The following CEP131 variants were observed in gnomAD, a reference collection of about 807,000 sequenced individuals.
CEP131 encodes the protein centrosomal protein 131.
CEP131 carries 99 observed loss-of-function variants against 136.8 expected under a neutral mutation model. The observed-to-expected ratio is 0.72, with a 90% confidence interval of 0.62 to 0.86. The LOEUF (loss-of-function observed/expected upper bound fraction) is 0.86, where lower values mean the gene tolerates loss of function less well. CEP131 is among the 40% of genes least tolerant of loss of function. CEP131 has a pLI of 0.00. For missense variants in CEP131, 1,459 were observed against 1,463.0 expected (o/e 1.00, Z 0.04); for synonymous variants, 646 against 612.7 (o/e 1.05, Z -0.80).
chr17:81,195,747 A>C, intron 16 of CEP131, 88 bp downstream of exon 16: 3 of 1,182,188 alleles, frequency 2.5e-6, no homozygotes, highest in Non-Finnish European at 3.6e-6. Context: ...GAGGACTCCA[A>C]GTCCGGTCCT....
intron 21 of CEP131, 27 bp from the exon 22 acceptor site, chr17:81,191,362 T>C: frequency 6.2e-7 from 1 of 1,611,682 alleles, no homozygotes; most frequent in Non-Finnish European, 8.5e-7. Context: ...TGCCTGGGGG[T>C]TGCCACCCGG....
At chr17:81,217,432 C>A (rs1305707857) in intron 2 of CEP131, among the ~76,000 whole-genome samples, 1 of 151,984 alleles carries the variant, frequency 6.6e-6, no homozygotes, top group East Asian at 1.9e-4. Flanking sequence ...GGAAGAGAAT[C>A]ACGTGCCGCC....
intron 11 of CEP131, among the ~76,000 whole-genome samples, chr17:81,198,548 C>G (rs2061819355): frequency 6.6e-6 from 1 of 152,210 alleles, no homozygotes; most frequent in African/African-American, 2.4e-5. Context: ...GTGCAGCCAC[C>G]TGGCCCCACC....
Position 81,207,219 on chromosome 17 carries a change from A to G in CEP131, c.293T>C (p.Phe98Ser). ...GSPRPTEPTD[F>S]LMLFEGSPSG... ...GGGGCTGCCCTCGAAGAGCATCAGG[A>G]AGTCTGTGGGCTCCGTTGGCCTGCA... Residue 98 changes from phenylalanine to serine, a missense_variant, in exon 4 of 26, where the codon TTC becomes TCC. Physicochemically the swap from Phe to Ser is radical, Grantham distance 155. Coordinates refer to ENST00000450824, the MANE Select transcript of CEP131 (RefSeq NM_014984.4). The G allele has an allele frequency of 6.2e-7, 1 of 1,613,484 alleles. No homozygotes were observed.
Position 81,215,594 on chromosome 17 carries a change from T to A in CEP131, c.177+4286A>T, listed in dbSNP as rs942242829. ...GTCCAGCTATTTTTTCTATTTTTAG[T>A]AGAGACGAGGTTTCACCGTGTTGGC... On this transcript the variant is annotated intron_variant, in intron 2 of 25. Coordinates refer to ENST00000450824, the MANE Select transcript of CEP131 (RefSeq NM_014984.4). The surrounding 1 kb of genome is among the most constrained non-coding windows in gnomAD (Gnocchi z 4.1). Among the ~76,000 whole-genome samples, 1 of 135,586 alleles carries A rather than the reference T, an allele frequency of 7.4e-6. No homozygotes were observed. The highest frequency in any genetic ancestry group is 1.6e-5 in the Non-Finnish European group (1 of 62,986). 88.9% of individuals were successfully genotyped at this position (135,586 alleles called of 152,430 possible).
intron 8 of CEP131, 92 bp from the exon 9 acceptor site, chr17:81,199,927 C>A (rs1313434962): frequency 1.5e-6 from 2 of 1,309,046 alleles, no homozygotes; most frequent in East Asian, 2.3e-5. Context: ...CCTGGAGTCC[C>A]CTAGAGTTCG....
intron 16 of CEP131, 109 bp downstream of exon 16, chr17:81,195,726 G>A (rs1000269814): frequency 6.4e-5 from 62 of 969,792 alleles, no homozygotes; most frequent in Non-Finnish European, 8.5e-5. Context: ...CTGACACACC[G>A]AGACAGGAAT....
Position 81,194,018 on chromosome 17 carries a change from C to T in CEP131, c.2229G>A (p.Gln743=). ...GCTCCTCGGCCTGGCGCAGGCAGCG[C>T]TGCGAGGCCCGCTCATCCGACTGCA... ...ELLQSDERAS[Q]RCLRQAEELR... is the part of the protein sequence containing the mutation. Residue 743 remains glutamine, a synonymous_variant, in exon 18 of 26, where the codon CAG becomes CAA. Transcript: ENST00000450824. The T allele has an allele frequency of 6.4e-7, 1 of 1,569,598 alleles. No homozygotes were observed. The highest frequency in any genetic ancestry group is 8.6e-7 in the Non-Finnish European group (1 of 1,158,056).
chr17:81,206,311 G>A (rs976215627), intron 5 of CEP131, among the ~76,000 whole-genome samples: 8 of 152,084 alleles, frequency 5.3e-5, no homozygotes, highest in Admixed American at 1.3e-4. Flanking sequence ...TCTAAATGCC[G>A]GAGGAAAAAT....
At position 81,215,809 on chromosome 17, in the gene CEP131, G is replaced by A. The variant is rs1382136483; in HGVS notation, c.177+4071C>T. ...ATTTACATGTATGCAAAATGGCAAA[G>A]ACACAGGGTATTTGCTGTGCCACTC... On this transcript the variant is annotated intron_variant, in intron 2 of 25. Transcript: ENST00000450824. This position sits in a 1 kb window ranked among gnomAD's most constrained non-coding sequence, Gnocchi z 4.1. Among the ~76,000 whole-genome samples, 2 of 152,202 alleles carry A rather than the reference G, an allele frequency of 1.3e-5. No individual in the cohort carries two copies. The highest frequency in any genetic ancestry group is 1.3e-4 in the Admixed American group (2 of 15,280).
intron 2 of CEP131, among the ~76,000 whole-genome samples, chr17:81,218,605 G>C (rs1438305060): frequency 6.6e-6 from 1 of 152,246 alleles, no homozygotes; most frequent in African/African-American, 2.4e-5. Flanking sequence ...CAACCTGCCG[G>C]CCACAATGAC....
At chr17:81,197,489 G>A in intron 13 of CEP131, 1 of 676,350 alleles carries the variant, frequency 1.5e-6, no homozygotes, top group Non-Finnish European at 2.4e-6. Context: ...TGCGGGCCCT[G>A]CCACCTCCAC....
At chr17:81,213,300 C>T (rs1005405017) in intron 2 of CEP131, among the ~76,000 whole-genome samples, 2 of 152,210 alleles carry the variant, frequency 1.3e-5, no homozygotes, top group African/African-American at 4.8e-5. Context: ...TGGCTCATGC[C>T]TGTAATCCCA....
intron 2 of CEP131, among the ~76,000 whole-genome samples, chr17:81,216,047 CCT>C (rs1240068124): frequency 6.6e-6 from 1 of 151,924 alleles, no homozygotes; most frequent in African/African-American, 2.4e-5. Context: ...TAGTGAGACC[CCT>C]GTCCCTACAA....
At chr17:81,193,495 G>A (rs897743158) in intron 18 of CEP131, among the ~76,000 whole-genome samples, 2 of 152,182 alleles carry the variant, frequency 1.3e-5, no homozygotes, top group African/African-American at 2.4e-5. Context: ...CAGGGCTCAG[G>A]ACGCAAGAGC....
chr17:81,206,812 G>C lies in CEP131; in HGVS notation c.447C>G (p.Asp149Glu). The C allele has an allele frequency of 1.2e-6, 2 of 1,614,136 alleles. No individual in the cohort carries two copies. The highest frequency in any genetic ancestry group is 1.7e-6 in the Non-Finnish European group (2 of 1,180,034). ...PSNARSSSAL[D>E]SPAGPRRKEC... The stretch of plus-strand genomic sequence containing the variant: ...CTTTCCTCCGCGGGCCCGCTGGTGA[G>C]TCAAGGGCACTGGAACTCCGGGCAT... The change falls in exon 5 of 26, where the codon GAC (aspartate) becomes GAG (glutamate). Residue 149 changes from aspartate (D) to glutamate (E), a missense_variant. Asp to Glu is a conservative substitution (Grantham distance 45, BLOSUM62 2). Coordinates refer to ENST00000450824, the MANE Select transcript of CEP131 (RefSeq NM_014984.4).
rs1351473647 is a variant in CEP131 at position 81,192,795 on chromosome 17, C to G, written c.2370G>C (p.Arg790=). The change falls in exon 19 of 26, where the codon CGG becomes CGC. Residue 790 remains arginine (R), a synonymous_variant. Coordinates refer to ENST00000450824, the MANE Select transcript of CEP131 (RefSeq NM_014984.4). The part of the protein sequence containing the change: ...EQEQWALQQQ[R]QRLYSEVAEE... ...CAGCCACCTCACTGTACAGCCGCTG[C>G]CGTTGCTGCTGCAGCGCCCACTGCT... is the stretch of plus-strand genomic sequence containing the variant. The G allele has an allele frequency of 6.3e-7, 1 of 1,598,376 alleles. No individual in the cohort carries two copies. Among genetic ancestry groups the G allele is most frequent in the Non-Finnish European group, 8.5e-7 (1 of 1,179,066 alleles).
In CEP131 at chr17:81,189,729, TCTGC is replaced by T; in HGVS notation, c.*36_*39del. 1 of 1,554,994 alleles carries T rather than the reference TCTGC, an allele frequency of 6.4e-7. No individual in the cohort carries two copies. The highest frequency in any genetic ancestry group is 1.2e-5 in the South Asian group (1 of 82,546). Reference sequence around the variant, plus strand: ...CTGGGCCCACGTCCAGCCTCTGTCCTCTGCCTTCCGTTCTTCGACAGTGTTCCCG... The same window carrying T: ...CTGGGCCCACGTCCAGCCTCTGTCCTCTTCCGTTCTTCGACAGTGTTCCCG... On this transcript the variant is annotated 3_prime_UTR_variant, in exon 26 of 26. Coordinates refer to ENST00000450824, the MANE Select transcript of CEP131 (RefSeq NM_014984.4).
Position 81,198,293 on chromosome 17 carries a change from A to C in CEP131, c.1292T>G (p.Val431Gly). Residue 431 changes from valine to glycine, a missense_variant, in exon 12 of 26, where the codon GTT becomes GGT. Coordinates refer to ENST00000450824, the MANE Select transcript of CEP131 (RefSeq NM_014984.4). ...QQPPEDRTQDVLAQDAAGDNL... is the reference protein window; with the variant it reads ...QQPPEDRTQDGLAQDAAGDNL... ...GTCCCCAGCTGCATCCTGGGCAAGA[A>C]CGTCCTGCAAAAGAGCAGGGAGACA... 6.3e-7 allele frequency: 1 copy of C among 1,596,208 alleles called. No individual in the cohort carries two copies. The highest frequency in any genetic ancestry group is 2.3e-5 in the East Asian group (1 of 43,994).
Sources: gnomAD v4.1 joint callset for allele counts (sites outside exome capture counted in the v4.1 genomes callset) on GRCh38, gnomAD v4.1.1 for gene constraint, Gnocchi (gnomAD v3.1) non-coding constraint, MANE v1.5 for transcripts, NCBI Gene and HGNC (gene_info 2026-07-23, HGNC 2026-07-21) for gene names.